COL4A6: variants seen among roughly 807,000 people sequenced by gnomAD.
COL4A6 encodes the protein collagen alpha-6(IV) chain.
Under a neutral mutation model 126.7 loss-of-function variants are expected in COL4A6, and 59 were observed. That is an observed-to-expected ratio of 0.47 (90% CI 0.38 to 0.58). COL4A6 has a LOEUF of 0.58. COL4A6 is among the 20% of genes least tolerant of loss of function. COL4A6 has a pLI of 0.00. For synonymous variants in COL4A6, 547 were observed against 496.6 expected, an observed-to-expected ratio of 1.10 and a Z score of -1.35; for missense variants, 1,285 against 1,337.3, an observed-to-expected ratio of 0.96 and a Z score of 0.61.
chrX:108,264,328 G>C (rs373195801), intron 3 of COL4A6, among the ~76,000 whole-genome samples: 111 of 111,962 alleles, frequency 9.9e-4, no homozygotes, highest in African/African-American at 3.5e-3. Flanking sequence ...GTACAGGAAA[G>C]GCCAAACATG....
chrX:108,172,563 G>C (rs1043123766), intron 31 of COL4A6, 31 bp from the exon 32 acceptor site: 4 of 1,143,579 alleles, frequency 3.5e-6, no homozygotes, highest in Non-Finnish European at 4.7e-6. Context: ...CATCATTTCT[G>C]CCCAGAGCTC....
chrX:108,198,698 C>G (rs777838996), intron 13 of COL4A6, among the ~76,000 whole-genome samples: 2 of 110,900 alleles, frequency 1.8e-5, no homozygotes, highest in Non-Finnish European at 3.8e-5. Flanking sequence ...CCTGGAAAGC[C>G]TCAATGGGGC....
intron 3 of COL4A6, among the ~76,000 whole-genome samples, chrX:108,255,236 G>T (rs753348790): frequency 2.2e-5 from 2 of 92,488 alleles, no homozygotes; most frequent in Admixed American, 1.1e-4. Context: ...AAATGGAAGT[G>T]GGGGGGCTAC....
intron 6 of COL4A6, 197 bp downstream of exon 6, chrX:108,213,915 T>C (rs767230871): frequency 2.4e-5 from 10 of 414,663 alleles, no homozygotes; most frequent in South Asian, 8.4e-5. Context: ...CAGTGTAGCA[T>C]GTGCACACCC....
chrX:108,434,785 A>T (rs866110206), intron 2 of COL4A6, among the ~76,000 whole-genome samples: 1 of 107,153 alleles, frequency 9.3e-6, no homozygotes, highest in African/African-American at 3.4e-5. Context: ...TATATATATT[A>T]TATATTTATA....
intron 3 of COL4A6, among the ~76,000 whole-genome samples, chrX:108,241,188 A>G (rs1298141384): frequency 2.7e-5 from 3 of 111,085 alleles, no homozygotes; most frequent in Non-Finnish European, 5.7e-5. Context: ...ACTTAATATA[A>G]TGCCTGACAC....
intron 2 of COL4A6, among the ~76,000 whole-genome samples, chrX:108,391,903 C>T (rs987326840): frequency 8.9e-6 from 1 of 112,287 alleles, no homozygotes; most frequent in Non-Finnish European, 1.9e-5. Context: ...AGAAATCACT[C>T]GCCTTCTGCA....
chrX:108,393,392 T>C (rs1696442714), intron 2 of COL4A6, among the ~76,000 whole-genome samples: 1 of 112,029 alleles, frequency 8.9e-6, no homozygotes, highest in African/African-American at 3.2e-5. Context: ...AAAGACTACA[T>C]ACTGTATGGT....
intron 3 of COL4A6, among the ~76,000 whole-genome samples, chrX:108,265,556 G>C (rs1055529697): frequency 3.6e-5 from 4 of 110,782 alleles, no homozygotes; most frequent in African/African-American, 6.6e-5. Flanking sequence ...TCTAATACAA[G>C]GGTAACTTTT....
intron 7 of COL4A6, among the ~76,000 whole-genome samples, chrX:108,210,421 T>C (rs751842568): frequency 1.8e-5 from 2 of 112,523 alleles, no homozygotes; most frequent in African/African-American, 6.4e-5. Flanking sequence ...AAATCGGTCA[T>C]TTCAAGGGAA....
Position 108,191,381 on chromosome X carries a change from T to G in COL4A6, c.1321+12A>C. ...TGAATCTTGAGACCAAAAAGAGAAA[T>G]GAGTAACTTACTAGGTGGGCCTGGT... On this transcript the variant is annotated intron_variant, in intron 19 of 44. Coordinates refer to ENST00000334504, the MANE Select transcript of COL4A6 (RefSeq NM_033641.4). 8.3e-7 allele frequency: 1 copy of G among 1,206,202 alleles called. No individual in the cohort carries two copies. The highest frequency in any genetic ancestry group is 1.1e-6 in the Non-Finnish European group (1 of 893,101).
At chrX:108,242,803 C>A (rs1420026717) in intron 3 of COL4A6, among the ~76,000 whole-genome samples, 1 of 110,696 alleles carries the variant, frequency 9.0e-6, no homozygotes, top group African/African-American at 3.3e-5. Flanking sequence ...CTTCGGTGGC[C>A]CTCTCAAACT....
intron 3 of COL4A6, among the ~76,000 whole-genome samples, chrX:108,291,672 A>G (rs935602762): frequency 2.7e-5 from 3 of 111,832 alleles, no homozygotes; most frequent in Non-Finnish European, 5.6e-5. Context: ...GACTGTGAAC[A>G]TTTTTAATGT....
chrX:108,293,795 C>T (rs973506881), intron 3 of COL4A6, among the ~76,000 whole-genome samples: 2 of 111,693 alleles, frequency 1.8e-5, no homozygotes, highest in Admixed American at 9.5e-5. Flanking sequence ...AAGCAGTCAG[C>T]GATTTAAAGC....
At chrX:108,296,622 A>C (rs939147671) in intron 3 of COL4A6, among the ~76,000 whole-genome samples, 16 of 112,446 alleles carry the variant, frequency 1.4e-4, no homozygotes, top group Admixed American at 1.4e-3. Context: ...CTGATTTTCA[A>C]GGGGCTCATA....
chrX:108,207,133 A>G (rs2035567559), intron 8 of COL4A6, among the ~76,000 whole-genome samples: 2 of 112,166 alleles, frequency 1.8e-5, no homozygotes, highest in Admixed American at 1.9e-4. Context: ...AGAACTGCAA[A>G]CAAATATTGA....
Position 108,156,799 on chromosome X carries a change from C to T in COL4A6, c.*201G>A. ...CACCAGCTTGACAGAAACAGGACAG[C>T]AGATCTCAGCAGGGTGGGCTCATCT... is the stretch of plus-strand genomic sequence containing the variant. On this transcript the variant is annotated 3_prime_UTR_variant, in exon 45 of 45. Coordinates refer to ENST00000334504, the MANE Select transcript of COL4A6 (RefSeq NM_033641.4). The T allele has an allele frequency of 2.2e-6, 1 of 456,268 alleles. No homozygotes were observed. Among genetic ancestry groups the T allele is most frequent in the African/African-American group, 2.4e-5 (1 of 42,042 alleles). The allele number at this position is 456,268 out of a possible 1,213,427, so 37.6% of individuals were successfully genotyped here. A position where few individuals can be genotyped will look rare whatever the true frequency, so the allele number is the denominator to read the frequency against.
intron 31 of COL4A6, among the ~76,000 whole-genome samples, chrX:108,173,477 T>TGTGTGTGTGTGTGTGTGTGTGC (rs1301122515): frequency 3.6e-5 from 4 of 110,867 alleles, no homozygotes; most frequent in African/African-American, 1.3e-4. Flanking sequence ...TGTGTGTGTG[T>TGTGTGTGTGTGTGTGTGTGTGC]GTGTGTGTGT....
chrX:108,277,998 C>T (rs1229121007), intron 3 of COL4A6, among the ~76,000 whole-genome samples: 1 of 111,599 alleles, frequency 9.0e-6, no homozygotes, highest in African/African-American at 3.3e-5. Context: ...CTGTACATCA[C>T]CATCATCAAA....
Sources: gnomAD v4.1 joint callset for allele counts (sites outside exome capture counted in the v4.1 genomes callset) on GRCh38, gnomAD v4.1.1 for gene constraint, MANE v1.5 for transcripts, NCBI Gene and HGNC (gene_info 2026-07-23, HGNC 2026-07-21) for gene names.